The following PRKN variants were observed in gnomAD, a reference collection of about 807,000 sequenced individuals.
PRKN encodes the protein parkin RBR E3 ubiquitin protein ligase.
A neutral mutation model predicts 59.5 loss-of-function variants in PRKN; 56 were observed. That is an observed-to-expected ratio of 0.94 (90% confidence interval 0.76 to 1.18). The LOEUF is 1.18. Ranked by LOEUF, PRKN falls within the 50% of genes most tolerant of loss-of-function variation. The pLI, the probability that PRKN is intolerant of heterozygous loss-of-function variation, is 0.00. For synonymous variants in PRKN, 250 were observed against 222.1 expected (o/e 1.13, Z -1.12); for missense variants, 657 against 596.4 (o/e 1.10, Z -1.06).
chr6:162,465,179 A>C (rs575158185), intron 1 of PRKN, among the ~76,000 whole-genome samples: 2 of 152,336 alleles, frequency 1.3e-5, no homozygotes, highest in South Asian at 4.1e-4. Flanking sequence ...AAACCAGTGA[A>C]GTGGTGAAAT....
intron 9 of PRKN, among the ~76,000 whole-genome samples, chr6:161,392,887 T>C (rs1786578136): frequency 6.6e-6 from 1 of 152,188 alleles, no homozygotes; most frequent in Non-Finnish European, 1.5e-5. Flanking sequence ...CTAATATGTG[T>C]TGAGTATTTA....
intron 3 of PRKN, among the ~76,000 whole-genome samples, chr6:162,258,656 A>G (rs2128098856): frequency 6.6e-6 from 1 of 152,300 alleles, no homozygotes; most frequent in Non-Finnish European, 1.5e-5. Flanking sequence ...CTTGCTGGAA[A>G]CGCAACTTCT....
intron 1 of PRKN, among the ~76,000 whole-genome samples, chr6:162,487,891 C>T (rs1792619833): frequency 6.6e-6 from 1 of 152,010 alleles, no homozygotes; most frequent in Non-Finnish European, 1.5e-5. Flanking sequence ...GCCTGTGCAA[C>T]AAAGTGCGAC....
At chr6:161,661,248 G>A (rs1194428643) in intron 7 of PRKN, among the ~76,000 whole-genome samples, 1 of 151,944 alleles carries the variant, frequency 6.6e-6, no homozygotes, top group African/African-American at 2.4e-5. Flanking sequence ...AGTCTGACAG[G>A]GCCCTCTGAA....
intron 7 of PRKN, among the ~76,000 whole-genome samples, chr6:161,710,034 T>C (rs1786672257): frequency 1.3e-5 from 2 of 152,100 alleles, no homozygotes. Flanking sequence ...ATGGCTTCCA[T>C]GATTAAGTGT....
chr6:162,486,359 C>T lies in PRKN; in HGVS notation c.8-42886G>A, dbSNP rs186423701. 1.0e-3 allele frequency among the ~76,000 whole-genome samples: 159 copies of T among 152,268 alleles called. 1 individual carries two copies. Among genetic ancestry groups the T allele is most frequent in the Non-Finnish European group, 8.8e-5 (6 of 68,020 alleles). On this transcript the variant is annotated intron_variant, in intron 1 of 11. Transcript: ENST00000366898. ...ACTCAATAATGCACAAAACTCCTTC[C>T]GTTAAAGGAACTACAGTTCTACCAC...
chr6:162,633,947 A>G (rs984475493), intron 1 of PRKN, among the ~76,000 whole-genome samples: 44 of 152,208 alleles, frequency 2.9e-4, no homozygotes, highest in Non-Finnish European at 6.3e-4. Context: ...AGTGGAAAAC[A>G]GTAAAGGAGA....
At chr6:161,425,594 C>T (rs1187714552) in intron 9 of PRKN, among the ~76,000 whole-genome samples, 4 of 152,050 alleles carry the variant, frequency 2.6e-5, no homozygotes, top group East Asian at 1.9e-4. Context: ...TTCTGATGCA[C>T]CAGATCAAGG....
chr6:161,986,577 G>C (rs577045365), intron 5 of PRKN, among the ~76,000 whole-genome samples: 1 of 151,696 alleles, frequency 6.6e-6, no homozygotes, highest in East Asian at 1.9e-4. Flanking sequence ...CTGGAGTGGG[G>C]TGAGAACTAG....
At chr6:161,804,142 G>A (rs1791210230) in intron 6 of PRKN, among the ~76,000 whole-genome samples, 1 of 152,180 alleles carries the variant, frequency 6.6e-6, no homozygotes, top group African/African-American at 2.4e-5. Flanking sequence ...AGCAGCACAA[G>A]GGTTCCCTAA....
At chr6:162,254,990 C>T (rs961950772) in intron 3 of PRKN, among the ~76,000 whole-genome samples, 14 of 151,876 alleles carry the variant, frequency 9.2e-5, no homozygotes, top group Non-Finnish European at 1.8e-4. Flanking sequence ...CCATCATTAT[C>T]ATAGAGCACC....
chr6:162,409,524 T>C lies in PRKN; in HGVS notation c.171+33786A>G, dbSNP rs373565933. Among the ~76,000 whole-genome samples the C allele has an allele frequency of 3.9e-5, 6 of 152,242 alleles. No individual in the cohort carries two copies. In the East Asian group the frequency reaches 7.7e-4, roughly 20 times the overall value. ...ACTTTTGCATGATTATCAATATGGGTTGAACCACATGAAATTGCCAATTTT... is the reference window on the plus strand; with the variant it reads ...ACTTTTGCATGATTATCAATATGGGCTGAACCACATGAAATTGCCAATTTT... On this transcript the variant is annotated intron_variant, in intron 2 of 11. Transcript: ENST00000366898.
At position 162,262,782 on chromosome 6, in the gene PRKN, T is replaced by TTA. The variant is rs1779950912; in HGVS notation, c.172-18_172-17insTA. 205 of 1,361,430 alleles carry TTA rather than the reference T, an allele frequency of 1.5e-4. 2 individuals carry two copies. The highest frequency in any genetic ancestry group is 1.3e-3 in the South Asian group (94 of 71,312). The allele number at this position is 1,361,430 out of a possible 1,614,324, so 84.3% of individuals were successfully genotyped here. On this transcript the variant is annotated splice_polypyrimidine_tract_variant and intron_variant, in intron 2 of 11. Coordinates refer to ENST00000366898, the MANE Select transcript of PRKN (RefSeq NM_004562.3). ...GTCACAATTCTGTTTGGGAGCAAGG[T>TTA]AAAAAAAAAAAAAAAAAAAAAGGAA...
At chr6:162,642,292 TTTAATGATATGA>T (rs1214414449) in intron 1 of PRKN, among the ~76,000 whole-genome samples, 1 of 152,150 alleles carries the variant, frequency 6.6e-6, no homozygotes, top group Non-Finnish European at 1.5e-5. Flanking sequence ...AATGAACACG[TTTAATGATATGA>T]TCCATAAAAT....
At chr6:162,408,350 A>C (rs1788179860) in intron 2 of PRKN, among the ~76,000 whole-genome samples, 2 of 152,140 alleles carry the variant, frequency 1.3e-5, no homozygotes, top group Non-Finnish European at 2.9e-5. Flanking sequence ...AGACTTCCAG[A>C]AGAATGTCTG....
intron 6 of PRKN, among the ~76,000 whole-genome samples, chr6:161,913,364 T>C (rs1289425687): frequency 1.3e-5 from 2 of 152,106 alleles, no homozygotes; most frequent in Admixed American, 6.5e-5. Flanking sequence ...CTCAATACAA[T>C]AGGACTCAAA....
intron 4 of PRKN, among the ~76,000 whole-genome samples, chr6:162,154,839 A>C (rs925379102): frequency 6.6e-6 from 1 of 152,048 alleles, no homozygotes; most frequent in Non-Finnish European, 1.5e-5. Context: ...TATGAATGAA[A>C]ACTTGATACA....
chr6:161,786,879 T>G (rs558148632), intron 6 of PRKN, among the ~76,000 whole-genome samples: 6 of 148,116 alleles, frequency 4.1e-5, no homozygotes, highest in Non-Finnish European at 8.9e-5. Flanking sequence ...ATATAAATCC[T>G]AATTTTTTTT....
intron 2 of PRKN, among the ~76,000 whole-genome samples, chr6:162,294,943 T>C (rs1781598931): frequency 6.6e-6 from 1 of 152,206 alleles, no homozygotes; most frequent in African/African-American, 2.4e-5. Flanking sequence ...ATCTGGGTTG[T>C]GCTTCCTCGA....
Sources: gnomAD v4.1 joint callset for allele counts (sites outside exome capture counted in the v4.1 genomes callset) on GRCh38, gnomAD v4.1.1 for gene constraint, MANE v1.5 for transcripts, NCBI Gene and HGNC (gene_info 2026-07-23, HGNC 2026-07-21) for gene names.